Variants in GSE1 observed in about 807,000 individuals in gnomAD.
GSE1 encodes Gse1 coiled-coil protein, also known as genetic suppressor element 1.
Under a neutral mutation model 112.6 loss-of-function variants are expected in GSE1, and 32 were observed. The ratio of observed to expected loss-of-function variants is 0.28; its 90% CI spans 0.21 to 0.38. GSE1 has a LOEUF of 0.38. Among genes scored for constraint, GSE1 ranks in the 10% least tolerant of loss-of-function variants. The pLI is 1.00. For synonymous variants in GSE1, 1,115 were observed against 735.6 expected (o/e 1.52, Z -8.35); for missense variants, 2,348 against 1,699.2 (o/e 1.38, Z -6.71).
chr16:85,331,489 ATGTGTATATG>A, intron 1 of GSE1, among the ~76,000 whole-genome samples: 1 of 114,514 alleles, frequency 8.7e-6, no homozygotes, highest in African/African-American at 2.8e-5. Context: ...ATGTGTATAT[ATGTGTATATG>A]TGTATATATG....
At chr16:85,542,191 G>A (rs1392467152) in intron 2 of GSE1, among the ~76,000 whole-genome samples, 3 of 152,228 alleles carry the variant, frequency 2.0e-5, no homozygotes, top group African/African-American at 7.2e-5. Context: ...TGGGATGCGG[G>A]GAGGGTGTGA....
intron 9 of GSE1, chr16:85,662,741 GGA>G: frequency 1.9e-6 from 1 of 522,562 alleles, no homozygotes. Context: ...TCAGCCCAGG[GGA>G]CCACCCAGCT....
At chr16:85,598,264 C>T (rs574866791) in intron 1 of GSE1, among the ~76,000 whole-genome samples, 49 of 145,102 alleles carry the variant, frequency 3.4e-4, no homozygotes, top group Admixed American at 5.6e-4. Context: ...GGCTCCTGCT[C>T]TCTGGGACCC....
At chr16:85,170,791 G>A (rs2143114246) in exon 1 of GSE1, 1 of 985,550 alleles carries the variant, frequency 1.0e-6, no homozygotes, top group Non-Finnish European at 1.2e-6. Context: ...CTTGGTGTGC[G>A]CCAGCTGCTT....
intron 1 of GSE1, chr16:85,285,907 C>G (rs1203384789): frequency 2.0e-5 from 3 of 152,278 alleles, no homozygotes; most frequent in Non-Finnish European, 4.4e-5. Context: ...GAAAACAGGA[C>G]TTCGTGGCGT....
intron 1 of GSE1, among the ~76,000 whole-genome samples, chr16:85,562,249 C>G (rs1484911497): frequency 6.6e-6 from 1 of 152,224 alleles, no homozygotes; most frequent in African/African-American, 2.4e-5. Context: ...TCCGATACCC[C>G]TGAGAGATGG....
chr16:85,589,158 C>T (rs918323921), intron 1 of GSE1, among the ~76,000 whole-genome samples: 1 of 152,298 alleles, frequency 6.6e-6, no homozygotes, highest in South Asian at 2.1e-4. Context: ...CCACCCCCAC[C>T]GGCTTCCTAG....
chr16:85,534,402 C>A (rs1420971645), intron 2 of GSE1, among the ~76,000 whole-genome samples: 2 of 152,100 alleles, frequency 1.3e-5, no homozygotes, highest in Non-Finnish European at 2.9e-5. Flanking sequence ...GATTACAGGA[C>A]TGAGCCACCA....
Position 85,668,227 on chromosome 16 carries a change from G to T in GSE1, c.3218G>T (p.Arg1073Leu), listed in dbSNP as rs199827400. Reference protein sequence around the residue: ...YNIPELQSSSRAPPPQHNGQQ... With the variant: ...YNIPELQSSSLAPPPQHNGQQ... ...ATTCCTGAGCTGCAGTCCTCCAGCC[G>T]CGCCCCTCCACCCCAGCACAATGGG... Residue 1073 changes from arginine (R) to leucine (L), a missense_variant, in exon 14 of 16, where the codon CGC becomes CTC. Coordinates refer to ENST00000253458, the MANE Select transcript of GSE1 (RefSeq NM_014615.5). 17 of 1,609,826 alleles carry T rather than the reference G, an allele frequency of 1.1e-5. No individual in the cohort carries two copies. The highest frequency in any genetic ancestry group is 4.5e-5 in the East Asian group (2 of 44,870).
chr16:85,545,370 C>G (rs2044660560), intron 2 of GSE1, among the ~76,000 whole-genome samples: 1 of 152,246 alleles, frequency 6.6e-6, no homozygotes, highest in Admixed American at 6.5e-5. Context: ...AGGTCGGACA[C>G]ACAGTTCTGC....
chr16:85,279,728 C>T (rs1448922339), intron 1 of GSE1, among the ~76,000 whole-genome samples: 3 of 152,112 alleles, frequency 2.0e-5, no homozygotes, highest in Admixed American at 6.5e-5. Context: ...CACCTGAGCC[C>T]GTAAGCCTTG....
intron 2 of GSE1, among the ~76,000 whole-genome samples, chr16:85,446,204 C>T (rs1337364308): frequency 1.3e-5 from 2 of 152,168 alleles, no homozygotes; most frequent in Non-Finnish European, 2.9e-5. Context: ...CCCCGGAGGA[C>T]CTGTATTTCC....
intron 2 of GSE1, among the ~76,000 whole-genome samples, chr16:85,378,245 G>A (rs1484863812): frequency 6.6e-6 from 1 of 152,166 alleles, no homozygotes; most frequent in Non-Finnish European, 1.5e-5. Context: ...CTGGGACTCT[G>A]TGATGTTCAG....
intron 2 of GSE1, among the ~76,000 whole-genome samples, chr16:85,478,891 C>A (rs1274492025): frequency 2.8e-5 from 2 of 72,552 alleles, no homozygotes; most frequent in African/African-American, 1.8e-4. Flanking sequence ...TTCTTTCTTT[C>A]TTTCTTTCTT....
chr16:85,325,669 C>G (rs1199150683), intron 1 of GSE1, among the ~76,000 whole-genome samples: 1 of 152,050 alleles, frequency 6.6e-6, no homozygotes, highest in East Asian at 1.9e-4. Flanking sequence ...CCATGCTAGT[C>G]TCAAACTCCT....
rs2048970710 is a variant in GSE1, at chr16:85,426,042, G to GATGT, written c.2464+68402_2464+68403insTATG. Among the ~76,000 whole-genome samples, 3 of 119,796 alleles carry GATGT rather than the reference G, an allele frequency of 2.5e-5. No homozygotes were observed. The South Asian group carries it at 8.6e-4, about 34-fold the overall frequency. The allele number at this position is 119,796 out of a possible 152,430, so 78.6% of individuals were successfully genotyped here. A position where few individuals can be genotyped will look rare whatever the true frequency, so the allele number is the denominator to read the frequency against. On this transcript the variant is annotated intron_variant, in intron 2 of 2. Coordinates refer to the GSE1 transcript ENST00000637419. ...TGAATGGAAAATGGATGGATGGATG[G>GATGT]ATGGATGGATGGATGGATGGATGGA...
At chr16:85,642,089 C>T (rs1002582733) in intron 2 of GSE1, among the ~76,000 whole-genome samples, 1 of 152,238 alleles carries the variant, frequency 6.6e-6, no homozygotes, top group Admixed American at 6.5e-5. Context: ...TGGGTCTGCT[C>T]CAGAGTCATG....
intron 3 of GSE1, among the ~76,000 whole-genome samples, chr16:85,650,116 C>T (rs1360144929): frequency 6.6e-6 from 1 of 152,210 alleles, no homozygotes; most frequent in East Asian, 1.9e-4. Context: ...GACTAATCCT[C>T]ATGTGAGGTC....
chr16:85,208,883 G>A (rs1219680593), intron 1 of GSE1, among the ~76,000 whole-genome samples: 2 of 121,982 alleles, frequency 1.6e-5, no homozygotes, highest in African/African-American at 5.9e-5. Flanking sequence ...GGTTCACCAC[G>A]TGTTGGGGTT....
Sources: gnomAD v4.1 joint callset for allele counts (sites outside exome capture counted in the v4.1 genomes callset) on GRCh38, gnomAD v4.1.1 for gene constraint, MANE v1.5 for transcripts, NCBI Gene and HGNC (gene_info 2026-07-23, HGNC 2026-07-21) for gene names.